Variants in PRDM16 observed in about 807,000 individuals in gnomAD.
PRDM16 encodes histone-lysine N-methyltransferase PRDM16.
In PRDM16, 23 loss-of-function variants were observed where a neutral mutation model predicts 110.6. That is an observed-to-expected ratio of 0.21 (90% CI 0.15 to 0.29). The LOEUF is 0.29. Ranked by LOEUF, PRDM16 falls within the 10% of genes least tolerant of loss-of-function variation. The pLI is 1.00. For synonymous variants in PRDM16, 799 were observed against 781.8 expected, an observed-to-expected ratio of 1.02 and a Z score of -0.37; for missense variants, 1,615 against 1,794.3, an observed-to-expected ratio of 0.90 and a Z score of 1.81.
At chr1:3,141,913 G>A (rs1048361952) in intron 1 of PRDM16, among the ~76,000 whole-genome samples, 21 of 152,242 alleles carry the variant, frequency 1.4e-4, no homozygotes, top group Non-Finnish European at 2.8e-4. Context: ...TGCTGCCCAC[G>A]GTAGGGGATT....
intron 1 of PRDM16, among the ~76,000 whole-genome samples, chr1:3,126,700 GGGA>G (rs1483605608): frequency 6.6e-6 from 1 of 152,204 alleles, no homozygotes; most frequent in Non-Finnish European, 1.5e-5. Context: ...TCTGGAGTGA[GGGA>G]GGAGTAGACA....
At position 3,190,726 on chromosome 1, in the gene PRDM16, C is replaced by A. The variant is rs1189871922; in HGVS notation, c.387+4252C>A. On this transcript the variant is annotated intron_variant, in intron 2 of 16. Coordinates refer to ENST00000270722, the MANE Select transcript of PRDM16 (RefSeq NM_022114.4). The surrounding 1 kb of genome is among the most constrained non-coding windows in gnomAD (Gnocchi z 5.0). ...AATACCACGCCCCGCCGGTCGCCGC[C>A]GAAGCCCACCTGCCTGGAGGAAATC... 6.6e-6 allele frequency among the ~76,000 whole-genome samples: 1 copy of A among 152,212 alleles called. No homozygotes were observed. Among genetic ancestry groups the A allele is most frequent in the Non-Finnish European group, 1.5e-5 (1 of 68,036 alleles).
At chr1:3,298,203 T>A (rs1641131534) in intron 3 of PRDM16, among the ~76,000 whole-genome samples, 1 of 152,230 alleles carries the variant, frequency 6.6e-6, no homozygotes, top group African/African-American at 2.4e-5. Context: ...CAGGCATTGA[T>A]CAGAGACCCT....
chr1:3,194,855 G>A (rs2100815433), intron 2 of PRDM16, among the ~76,000 whole-genome samples: 1 of 152,304 alleles, frequency 6.6e-6, no homozygotes, highest in Non-Finnish European at 1.5e-5. Context: ...ACGCTCCACT[G>A]CCCACACCAC....
intron 3 of PRDM16, among the ~76,000 whole-genome samples, chr1:3,270,691 C>CGGGGAGGACAGTCCCG (rs1640427870): frequency 7.5e-6 from 1 of 132,592 alleles, no homozygotes. Context: ...GGAGGACAGT[C>CGGGGAGGACAGTCCCG]GGGGAGGACA....
At chr1:3,289,084 T>C (rs538046073) in intron 3 of PRDM16, among the ~76,000 whole-genome samples, 1 of 152,350 alleles carries the variant, frequency 6.6e-6, no homozygotes, top group South Asian at 2.1e-4. Context: ...AGGCTGATGC[T>C]GCATCTGGGG....
chr1:3,331,932 G>A (rs1358828307), intron 3 of PRDM16, among the ~76,000 whole-genome samples: 1 of 152,218 alleles, frequency 6.6e-6, no homozygotes, highest in East Asian at 1.9e-4. Context: ...GATGAGGGAG[G>A]GTCACCTCTC....
chr1:3,364,813 C>T (rs896950911), intron 3 of PRDM16, among the ~76,000 whole-genome samples: 39 of 152,238 alleles, frequency 2.6e-4, no homozygotes, highest in Middle Eastern at 3.2e-3. Flanking sequence ...CCAGGTGCCC[C>T]GAGCAGGACA....
chr1:3,229,564 T>C (rs1639361241), intron 2 of PRDM16, among the ~76,000 whole-genome samples: 1 of 152,170 alleles, frequency 6.6e-6, no homozygotes, highest in African/African-American at 2.4e-5. Context: ...AGCCACAGGA[T>C]GTACATTCCA....
chr1:3,355,986 G>A (rs1375797565), intron 3 of PRDM16, among the ~76,000 whole-genome samples: 1 of 152,062 alleles, frequency 6.6e-6, no homozygotes, highest in Non-Finnish European at 1.5e-5. Flanking sequence ...GGCACATCCT[G>A]ATGAGTGGCC....
intron 4 of PRDM16, among the ~76,000 whole-genome samples, chr1:3,396,092 C>A (rs1261371779): frequency 6.6e-6 from 1 of 152,188 alleles, no homozygotes; most frequent in African/African-American, 2.4e-5. Context: ...CCTGAGCTCC[C>A]CCTCCCCCGC....
In PRDM16 at chr1:3,290,969, T is replaced by A. The variant is rs1010103862; in HGVS notation, c.438+46832T>A. Among the ~76,000 whole-genome samples the A allele has an allele frequency of 6.6e-6, 1 of 152,094 alleles. No homozygotes were observed. The highest frequency in any genetic ancestry group is 2.4e-5 in the African/African-American group (1 of 41,410). ...CCTTATTAACCTTCTTACGATGTGA[T>A]AGGAGCGGCTTGGCCTCCTGACTCC... On this transcript the variant is annotated intron_variant, in intron 3 of 16. Transcript: ENST00000270722. This position sits in a 1 kb window ranked among gnomAD's most constrained non-coding sequence, Gnocchi z 4.8.
At chr1:3,287,272 CCGCCACGCGGGCA>C (rs1640868914) in intron 3 of PRDM16, among the ~76,000 whole-genome samples, 1 of 150,720 alleles carries the variant, frequency 6.6e-6, no homozygotes, top group Non-Finnish European at 1.5e-5. Flanking sequence ...TGGAGGCGCC[CCGCCACGCGGGCA>C]TCCAGGATTG....
intron 2 of PRDM16, among the ~76,000 whole-genome samples, chr1:3,240,057 AGAG>A (rs1639630392): frequency 2.1e-4 from 1 of 4,838 alleles, no homozygotes; most frequent in African/African-American, 5.8e-4. Context: ...GGAGAGGAGA[AGAG>A]GAGAGGAGAG....
At chr1:3,333,482 T>A (rs1265633819) in intron 3 of PRDM16, among the ~76,000 whole-genome samples, 1 of 152,106 alleles carries the variant, frequency 6.6e-6, no homozygotes, top group East Asian at 1.9e-4. Context: ...TTCCAGCTCA[T>A]GTGGAGATGC....
At chr1:3,163,081 G>C (rs12406417) in intron 1 of PRDM16, among the ~76,000 whole-genome samples, 1 of 828 alleles carries the variant, frequency 1.2e-3, no homozygotes, top group Non-Finnish European at 2.9e-3. Flanking sequence ...GAGGGGATGT[G>C]CGCAGAAGCC....
intron 3 of PRDM16, among the ~76,000 whole-genome samples, chr1:3,271,604 G>A (rs1348332350): frequency 1.3e-5 from 2 of 152,146 alleles, no homozygotes; most frequent in African/African-American, 2.4e-5. Context: ...CAGGCAGGGG[G>A]ACTGTCTGGG....
intron 3 of PRDM16, among the ~76,000 whole-genome samples, chr1:3,266,958 G>C (rs1380128808): frequency 2.0e-5 from 3 of 152,204 alleles, no homozygotes; most frequent in Non-Finnish European, 4.4e-5. Context: ...GATTACAGGT[G>C]TGAGCCACCG....
At chr1:3,152,839 G>T (rs989392611) in intron 1 of PRDM16, among the ~76,000 whole-genome samples, 2 of 152,198 alleles carry the variant, frequency 1.3e-5, no homozygotes, top group African/African-American at 2.4e-5. Flanking sequence ...GGCAGGAGGG[G>T]TTTTGTCCAG....
Sources: gnomAD v4.1 joint callset for allele counts (sites outside exome capture counted in the v4.1 genomes callset) on GRCh38, gnomAD v4.1.1 for gene constraint, Gnocchi (gnomAD v3.1) non-coding constraint, MANE v1.5 for transcripts, NCBI Gene and HGNC (gene_info 2026-07-23, HGNC 2026-07-21) for gene names.